The following SLC38A4 variants were observed in gnomAD, a reference collection of about 807,000 sequenced individuals.
SLC38A4 encodes sodium-coupled neutral amino acid transporter 4.
A neutral mutation model predicts 63.1 loss-of-function variants in SLC38A4; 20 were observed. The ratio of observed to expected loss-of-function variants is 0.32; its 90% CI spans 0.22 to 0.46. The LOEUF (loss-of-function observed/expected upper bound fraction) is 0.46, where lower values mean the gene tolerates loss of function less well. SLC38A4 is among the 20% of genes least tolerant of loss of function. The pLI is 1.00. For synonymous variants in SLC38A4, 230 were observed against 225.5 expected (o/e 1.02, Z -0.18); for missense variants, 526 against 663.6 (o/e 0.79, Z 2.28).
At chr12:46,831,602 C>G (rs1466090113) in intron 1 of SLC38A4, among the ~76,000 whole-genome samples, 1 of 152,262 alleles carries the variant, frequency 6.6e-6, no homozygotes, top group East Asian at 1.9e-4. Context: ...GGCCCACATC[C>G]AGCTCTGCTC....
intron 7 of SLC38A4, among the ~76,000 whole-genome samples, chr12:46,781,902 C>T (rs1432544308): frequency 6.6e-6 from 1 of 151,884 alleles, no homozygotes; most frequent in Non-Finnish European, 1.5e-5. Context: ...TAAGGCAATC[C>T]TATGAAATGC....
chr12:46,821,020 T>C (rs1411643151), intron 1 of SLC38A4, among the ~76,000 whole-genome samples: 2 of 151,980 alleles, frequency 1.3e-5, no homozygotes, highest in Non-Finnish European at 2.9e-5. Flanking sequence ...TTTTAAATCA[T>C]GTTATTTGTT....
At chr12:46,794,745 T>G (rs903110558) in intron 2 of SLC38A4, among the ~76,000 whole-genome samples, 1 of 151,922 alleles carries the variant, frequency 6.6e-6, no homozygotes, top group Non-Finnish European at 1.5e-5. Context: ...TGATAGTCAT[T>G]CCAATATAGA....
chr12:46,819,947 T>C (rs1939508431), intron 1 of SLC38A4, among the ~76,000 whole-genome samples: 1 of 151,920 alleles, frequency 6.6e-6, no homozygotes, highest in African/African-American at 2.4e-5. Context: ...TCCGAGGCAC[T>C]CTGAAACATT....
intron 2 of SLC38A4, among the ~76,000 whole-genome samples, chr12:46,796,954 G>A (rs184197378): frequency 3.9e-5 from 6 of 152,144 alleles, no homozygotes; most frequent in East Asian, 1.9e-4. Context: ...ACTTATCTTG[G>A]TTCCTTTTCT....
chr12:46,804,299 T>G (rs1052578644), intron 1 of SLC38A4, among the ~76,000 whole-genome samples: 2 of 151,898 alleles, frequency 1.3e-5, no homozygotes, highest in African/African-American at 4.8e-5. Context: ...TTTAAAAGAA[T>G]TTTTAAGTAG....
chr12:46,769,302 A>G lies in SLC38A4; in HGVS notation c.1426T>C (p.Tyr476His). ...VLVILVPTIKYIFGFIGASSA... is the reference protein window; with the variant it reads ...VLVILVPTIKHIFGFIGASSA... Reference sequence around the variant, plus strand: ...AACTCACCTATGAATCCGAAGATGTATTTTATAGTTGGCACAAGGATGACC... The same window carrying G: ...AACTCACCTATGAATCCGAAGATGTGTTTTATAGTTGGCACAAGGATGACC... The change falls in exon 15 of 17, where the codon TAC (tyrosine) becomes CAC (histidine). Residue 476 changes from tyrosine (Y) to histidine (H), a missense_variant. Transcript: ENST00000266579. 12 of 1,613,216 alleles carry G rather than the reference A, an allele frequency of 7.4e-6. No individual in the cohort carries two copies. The highest frequency in any genetic ancestry group is 1.0e-5 in the Non-Finnish European group (12 of 1,179,444).
At chr12:46,780,857 G>T (rs1391265190) in intron 7 of SLC38A4, among the ~76,000 whole-genome samples, 1 of 151,926 alleles carries the variant, frequency 6.6e-6, no homozygotes, top group Non-Finnish European at 1.5e-5. Flanking sequence ...CCCATTTGGT[G>T]AAGGATAACG....
chr12:46,813,144 T>G (rs566699663), intron 1 of SLC38A4, among the ~76,000 whole-genome samples: 1 of 152,086 alleles, frequency 6.6e-6, no homozygotes, highest in African/African-American at 2.4e-5. Flanking sequence ...ACCATAAGCC[T>G]TAAGATAACC....
intron 1 of SLC38A4, among the ~76,000 whole-genome samples, chr12:46,825,421 C>T (rs1939628734): frequency 6.6e-6 from 1 of 151,842 alleles, no homozygotes; most frequent in African/African-American, 2.4e-5. Context: ...TTAAAGCATA[C>T]TGTTACTAAA....
chr12:46,828,747 G>C (rs1939692442), upstream of SLC38A4, among the ~76,000 whole-genome samples: 1 of 152,172 alleles, frequency 6.6e-6, no homozygotes, highest in Non-Finnish European at 1.5e-5. Flanking sequence ...CACTGTGCTA[G>C]GTGCTAGGAA....
intron 2 of SLC38A4, among the ~76,000 whole-genome samples, chr12:46,797,749 G>C: frequency 6.6e-6 from 1 of 151,996 alleles, no homozygotes; most frequent in East Asian, 1.9e-4. Flanking sequence ...GCTTCTCCTG[G>C]GAACTCAAGT....
chr12:46,772,475 T>C (rs1334071263), intron 14 of SLC38A4, among the ~76,000 whole-genome samples: 1 of 152,076 alleles, frequency 6.6e-6, no homozygotes, highest in Non-Finnish European at 1.5e-5. Flanking sequence ...GAAACTTTAC[T>C]GCATAAAGGG....
rs1938910905 is a variant in SLC38A4 at position 46,792,495 on chromosome 12, G to A, written c.119+458C>T. ...CACAGTAATGGTCCAGTAGAGACGT[G>A]CAGTAGACATTCAGATATAATTATC... On this transcript the variant is annotated intron_variant, in intron 3 of 16. Transcript: ENST00000266579. Among the ~76,000 whole-genome samples, 2 of 152,038 alleles carry A rather than the reference G, an allele frequency of 1.3e-5. 1 individual carries two copies. Among genetic ancestry groups the A allele is most frequent in the South Asian group, 4.1e-4 (2 of 4,820 alleles).
Position 46,766,597 on chromosome 12 carries a change from C to A in SLC38A4, c.*104G>T. 1.2e-6 allele frequency: 1 copy of A among 845,812 alleles called. No homozygotes were observed. The highest frequency in any genetic ancestry group is 2.0e-6 in the Non-Finnish European group (1 of 509,626). The allele number at this position is 845,812 out of a possible 1,614,324, so 52.4% of individuals were successfully genotyped here. A position where few individuals can be genotyped will look rare whatever the true frequency, so the allele number is the denominator to read the frequency against. On this transcript the variant is annotated 3_prime_UTR_variant, in exon 17 of 17. Transcript: ENST00000266579. The stretch of plus-strand genomic sequence containing the variant: ...ACTGGTAAACGTCTTTGGAATCTTC[C>A]TGTTATTTCCTATGAATAACATTCC...
chr12:46,817,075 GTGTATA>G (rs996875904), intron 1 of SLC38A4, among the ~76,000 whole-genome samples: 3 of 151,664 alleles, frequency 2.0e-5, no homozygotes, highest in African/African-American at 7.3e-5. Flanking sequence ...GGCCAGGCTT[GTGTATA>G]TCTGTAAAAC....
At chr12:46,775,628 T>C (rs1361806582) in intron 13 of SLC38A4, among the ~76,000 whole-genome samples, 1 of 152,034 alleles carries the variant, frequency 6.6e-6, no homozygotes, top group Admixed American at 6.6e-5. Context: ...CTACCATTTT[T>C]TCAAGCTCAA....
At chr12:46,825,147 C>G (rs1356215187) in intron 1 of SLC38A4, among the ~76,000 whole-genome samples, 1 of 148,884 alleles carries the variant, frequency 6.7e-6, no homozygotes, top group Non-Finnish European at 1.5e-5. Flanking sequence ...CAACTGGATG[C>G]GAACCTATAA....
intron 3 of SLC38A4, 50 bp from the exon 4 acceptor site, chr12:46,788,668 C>G (rs764660449): frequency 1.4e-6 from 2 of 1,474,788 alleles, no homozygotes; most frequent in Non-Finnish European, 1.9e-6. Flanking sequence ...TAAATATATG[C>G]TCTGAATCAT....
Sources: gnomAD v4.1 joint callset for allele counts (sites outside exome capture counted in the v4.1 genomes callset) on GRCh38, gnomAD v4.1.1 for gene constraint, MANE v1.5 for transcripts, NCBI Gene and HGNC (gene_info 2026-07-23, HGNC 2026-07-21) for gene names.